Variants in NIPBL observed in about 807,000 individuals in gnomAD.
NIPBL encodes the protein NIPBL cohesin loading factor, also known as nipped-B-like protein.
NIPBL carries 19 observed loss-of-function variants against 321.8 expected under a neutral mutation model. That is an observed-to-expected ratio of 0.06 (90% confidence interval 0.04 to 0.09). The LOEUF (loss-of-function observed/expected upper bound fraction) is 0.09. Ranked by LOEUF, NIPBL falls within the 10% of genes least tolerant of loss-of-function variation. NIPBL has a pLI of 1.00. For missense variants in NIPBL, 2,210 were observed against 3,327.0 expected (o/e 0.66, Z 8.26); for synonymous variants, 1,106 against 1,114.1 (o/e 0.99, Z 0.14).
intron 1 of NIPBL, among the ~76,000 whole-genome samples, chr5:36,890,496 G>A (rs756608519): frequency 1.3e-5 from 2 of 152,070 alleles, no homozygotes; most frequent in Non-Finnish European, 1.5e-5. Context: ...AAATGCTCCC[G>A]TTTCCCACTA....
intron 10 of NIPBL, 182 bp from the exon 11 acceptor site, chr5:36,995,440 C>T (rs1746028538): frequency 1.8e-6 from 1 of 551,436 alleles, no homozygotes; most frequent in South Asian, 2.4e-5. Flanking sequence ...TATATATGTA[C>T]ACATACATAT....
At chr5:36,986,763 G>T in intron 10 of NIPBL, among the ~76,000 whole-genome samples, 1 of 152,124 alleles carries the variant, frequency 6.6e-6, no homozygotes, top group East Asian at 1.9e-4. Context: ...ATTTTGTTGG[G>T]GAGATGGTTA....
rs901959096 is a variant in NIPBL, at chr5:37,054,092, A to C, written c.7263+1526A>C. Reference sequence around the variant, plus strand: ...GCGCCTGTAATCCCAGCTACTCAGGAGGCTGAGGCAGGAGAATTGCTTGAA... The same window carrying C: ...GCGCCTGTAATCCCAGCTACTCAGGCGGCTGAGGCAGGAGAATTGCTTGAA... On this transcript the variant is annotated intron_variant, in intron 42 of 46. Transcript: ENST00000282516. 7.5e-4 allele frequency among the ~76,000 whole-genome samples: 113 copies of C among 151,056 alleles called. 2 individuals carry two copies. The highest frequency in any genetic ancestry group is 1.5e-3 in the Non-Finnish European group (102 of 67,786).
Position 36,985,790 on chromosome 5 carries a change from C to T in NIPBL, c.2610C>T (p.His870=). The change falls in exon 10 of 47, where the codon CAC becomes CAT. Residue 870 remains histidine (H), a synonymous_variant. Transcript: ENST00000282516. Reference sequence around the variant, plus strand: ...AAACTGATAAACTAGAACGAAAACACAGGCATGAATCAGGGGACTCAAGGG... The same window carrying T: ...AAACTGATAAACTAGAACGAAAACATAGGCATGAATCAGGGGACTCAAGGG... The part of the protein sequence containing the change: ...SSKTDKLERK[H]RHESGDSRER... 3.7e-6 allele frequency: 6 copies of T among 1,613,836 alleles called. No individual in the cohort carries two copies. The highest frequency in any genetic ancestry group is 5.1e-6 in the Non-Finnish European group (6 of 1,179,926).
At chr5:36,947,360 G>A (rs1739802384) in intron 1 of NIPBL, among the ~76,000 whole-genome samples, 1 of 151,886 alleles carries the variant, frequency 6.6e-6, no homozygotes, top group South Asian at 2.1e-4. Flanking sequence ...TGTAAGTACT[G>A]CAGTATTCTA....
chr5:37,027,362 G>A lies in NIPBL; in HGVS notation c.5812G>A (p.Ala1938Thr). The A allele has an allele frequency of 1.2e-6, 2 of 1,610,520 alleles. No individual in the cohort carries two copies. The highest frequency in any genetic ancestry group is 2.2e-5 in the East Asian group (1 of 44,800). ...RKILNITDVVAACRDTGYDWF... is the reference protein window; with the variant it reads ...RKILNITDVVTACRDTGYDWF... The stretch of plus-strand genomic sequence containing the variant: ...TGATTCTTTTCATCACCCTTAGGTT[G>A]CAGCATGCAGAGATACTGGATATGA... Residue 1938 changes from alanine to threonine, a missense_variant, in exon 32 of 47, where the codon GCA (alanine) becomes ACA (threonine). Physicochemically the swap from Ala to Thr is moderately conservative, Grantham distance 58. Coordinates refer to ENST00000282516, the MANE Select transcript of NIPBL (RefSeq NM_133433.4).
intron 37 of NIPBL, 117 bp downstream of exon 37, chr5:37,045,714 A>T: frequency 1.8e-6 from 2 of 1,126,590 alleles, no homozygotes; most frequent in Non-Finnish European, 2.6e-6. Flanking sequence ...GTTTAATGAA[A>T]ATTCTGAAAA....
intron 1 of NIPBL, among the ~76,000 whole-genome samples, chr5:36,923,278 C>T (rs1229657736): frequency 2.0e-5 from 3 of 151,964 alleles, no homozygotes; most frequent in Admixed American, 6.6e-5. Context: ...TGCACTCCAG[C>T]GTAGATGACA....
intron 39 of NIPBL, 107 bp from the exon 40 acceptor site, chr5:37,049,004 A>G (rs1010605488): frequency 2.8e-6 from 3 of 1,081,184 alleles, no homozygotes; most frequent in South Asian, 1.3e-5. Context: ...GAGCCAGAAC[A>G]CTAGCTGTAA....
intron 30 of NIPBL, among the ~76,000 whole-genome samples, chr5:37,025,453 G>C (rs995694247): frequency 1.1e-4 from 17 of 152,056 alleles, no homozygotes; most frequent in African/African-American, 4.1e-4. Flanking sequence ...ATGCGTGGAA[G>C]CTTAAAAAAA....
At chr5:36,935,026 A>G (rs1019780710) in intron 1 of NIPBL, among the ~76,000 whole-genome samples, 1 of 152,122 alleles carries the variant, frequency 6.6e-6, no homozygotes, top group African/African-American at 2.4e-5. Context: ...GCTTAAATTC[A>G]AAGGTCATTT....
intron 1 of NIPBL, among the ~76,000 whole-genome samples, chr5:36,892,389 A>G (rs974304525): frequency 2.6e-5 from 4 of 152,222 alleles, no homozygotes; most frequent in Non-Finnish European, 4.4e-5. Flanking sequence ...GCGATTCCTC[A>G]GGGATCTAGA....
intron 1 of NIPBL, among the ~76,000 whole-genome samples, chr5:36,889,177 T>C (rs1746137551): frequency 6.6e-6 from 1 of 152,106 alleles, no homozygotes; most frequent in Admixed American, 6.5e-5. Context: ...AAAGAAAACA[T>C]GAAACCCAGA....
At chr5:37,014,979 G>A (rs1748768546) in intron 22 of NIPBL, among the ~76,000 whole-genome samples, 1 of 152,086 alleles carries the variant, frequency 6.6e-6, no homozygotes, top group Admixed American at 6.5e-5. Context: ...CTAAAATTTT[G>A]TGAATTTGCT....
At chr5:37,009,241 A>AT (rs1383408129) in intron 20 of NIPBL, among the ~76,000 whole-genome samples, 2 of 152,210 alleles carry the variant, frequency 1.3e-5, no homozygotes, top group Non-Finnish European at 2.9e-5. Context: ...GTCTCAAAAA[A>AT]AAAAATAAAA....
At chr5:37,022,915 A>G (rs928060090) in intron 29 of NIPBL, among the ~76,000 whole-genome samples, 3 of 152,224 alleles carry the variant, frequency 2.0e-5, no homozygotes, top group Admixed American at 2.0e-4. Flanking sequence ...AAGAGGTTCT[A>G]CATACATCAT....
intron 1 of NIPBL, chr5:36,885,891 G>A: frequency 1.4e-6 from 1 of 734,802 alleles, no homozygotes; most frequent in South Asian, 1.4e-5. Flanking sequence ...CAGCTCACCA[G>A]CTCTGGGTTG....
chr5:37,064,500 C>T (rs1280466667), intron 46 of NIPBL, 27 bp from the exon 47 acceptor site: 1 of 1,608,370 alleles, frequency 6.2e-7, no homozygotes, highest in East Asian at 2.2e-5. Flanking sequence ...AACACTTGGT[C>T]TTTTTTCCCC....
chr5:37,028,319 T>C (rs1025149023), intron 32 of NIPBL, among the ~76,000 whole-genome samples: 3 of 150,626 alleles, frequency 2.0e-5, no homozygotes, highest in Non-Finnish European at 4.4e-5. Context: ...TTTCTTCTTT[T>C]GTTTTCCATA....
Sources: gnomAD v4.1 joint callset for allele counts (sites outside exome capture counted in the v4.1 genomes callset) on GRCh38, gnomAD v4.1.1 for gene constraint, MANE v1.5 for transcripts, NCBI Gene and HGNC (gene_info 2026-07-23, HGNC 2026-07-21) for gene names.